The following IL1RAPL2 variants were observed in gnomAD, a reference collection of about 807,000 sequenced individuals.
The protein encoded by IL1RAPL2 is interleukin 1 receptor accessory protein like 2, also known as X-linked interleukin-1 receptor accessory protein-like 2.
In IL1RAPL2, 3 loss-of-function variants were observed where a neutral mutation model predicts 44.1. That is an observed-to-expected ratio of 0.07 (90% CI 0.03 to 0.18). IL1RAPL2 has a LOEUF of 0.18. Among genes scored for constraint, IL1RAPL2 ranks in the 10% least tolerant of loss-of-function variants. The pLI, the probability that IL1RAPL2 is intolerant of heterozygous loss-of-function variation, is 1.00. For synonymous variants in IL1RAPL2, 181 were observed against 178.8 expected (o/e 1.01, Z -0.10); for missense variants, 391 against 496.4 (o/e 0.79, Z 2.02).
chrX:104,608,692 A>G (rs867966518), intron 1 of IL1RAPL2, among the ~76,000 whole-genome samples: 1 of 45,642 alleles, frequency 2.2e-5, no homozygotes, highest in South Asian at 8.0e-4. Flanking sequence ...TTTGCTTTCC[A>G]TTTACTTGGT....
At chrX:105,470,757 A>G (rs1164471361) in intron 5 of IL1RAPL2, among the ~76,000 whole-genome samples, 2 of 111,955 alleles carry the variant, frequency 1.8e-5, no homozygotes, top group African/African-American at 6.5e-5. Context: ...CCAAGGCAGA[A>G]GCTGGCTATG....
intron 2 of IL1RAPL2, among the ~76,000 whole-genome samples, chrX:104,673,149 GT>G (rs1930652955): frequency 9.0e-6 from 1 of 111,704 alleles, no homozygotes; most frequent in African/African-American, 3.3e-5. Context: ...TGCTTTTGGT[GT>G]TTTAGACATG....
At position 105,510,561 on chromosome X, in the gene IL1RAPL2, T is replaced by A. The variant is rs138422806; in HGVS notation, c.772+26174T>A. Among the ~76,000 whole-genome samples the A allele has an allele frequency of 5.6e-3, 632 of 112,031 alleles. 5 individuals are homozygous for A. Among genetic ancestry groups the A allele is most frequent in the African/African-American group, 0.019 (593 of 30,829 alleles). On this transcript the variant is annotated intron_variant, in intron 6 of 10. Coordinates refer to ENST00000372582, the MANE Select transcript of IL1RAPL2 (RefSeq NM_017416.2). ...GTCTAATCCCTGGAACCTGTGAGTA[T>A]ATCACCTTCACGGCAAAGGTGAATT... is the stretch of plus-strand genomic sequence containing the variant.
intron 2 of IL1RAPL2, among the ~76,000 whole-genome samples, chrX:104,734,409 A>G (rs1455563126): frequency 2.7e-5 from 3 of 112,858 alleles, no homozygotes; most frequent in Non-Finnish European, 1.9e-5. Context: ...TTGCATCAAC[A>G]GATGAATGGA....
intron 5 of IL1RAPL2, among the ~76,000 whole-genome samples, chrX:105,281,607 A>G (rs999426235): frequency 9.0e-6 from 1 of 111,708 alleles, no homozygotes; most frequent in Non-Finnish European, 1.9e-5. Flanking sequence ...ATTTAGATAC[A>G]CAAATCCTTA....
chrX:104,983,475 T>TTATATAATATTATATTAGATACATAA (rs2030487902), intron 2 of IL1RAPL2, among the ~76,000 whole-genome samples: 1 of 100,176 alleles, frequency 1.0e-5, no homozygotes, highest in African/African-American at 3.7e-5. Context: ...ATACATAATA[T>TTATATAATATTATATTAGATACATAA]TATATAATAT....
intron 5 of IL1RAPL2, among the ~76,000 whole-genome samples, chrX:105,394,551 CTCT>C (rs2035548862): frequency 9.0e-6 from 1 of 110,957 alleles, no homozygotes; most frequent in Non-Finnish European, 1.9e-5. Flanking sequence ...TTCAGTCTTT[CTCT>C]TCTTCTAACC....
In IL1RAPL2 at chrX:104,723,509, C is replaced by T. The variant is rs192133047; in HGVS notation, c.82+64514C>T. On this transcript the variant is annotated intron_variant, in intron 2 of 10. Coordinates refer to ENST00000372582, the MANE Select transcript of IL1RAPL2 (RefSeq NM_017416.2). ...AATTAGGAATGTGGGTTTTCATGAC[C>T]ATGTAACAAAGGAGGTGAGGTCTCA... 3.6e-5 allele frequency among the ~76,000 whole-genome samples: 4 copies of T among 109,848 alleles called. No homozygotes were observed. The Admixed American group carries it at 3.9e-4, about 11-fold the overall frequency.
chrX:105,465,297 C>G (rs2147768317), intron 5 of IL1RAPL2, among the ~76,000 whole-genome samples: 1 of 111,699 alleles, frequency 9.0e-6, no homozygotes, highest in Non-Finnish European at 1.9e-5. Flanking sequence ...TATGTTTTTC[C>G]TCTTTGAAAT....
At chrX:105,551,002 A>C (rs1305640358) in intron 6 of IL1RAPL2, among the ~76,000 whole-genome samples, 3 of 111,651 alleles carry the variant, frequency 2.7e-5, no homozygotes, top group African/African-American at 9.8e-5. Context: ...ATGATTCAGT[A>C]TACTTTTCAC....
At chrX:105,501,853 CAA>C (rs2036397808) in intron 6 of IL1RAPL2, among the ~76,000 whole-genome samples, 2 of 111,734 alleles carry the variant, frequency 1.8e-5, no homozygotes, top group South Asian at 7.5e-4. Flanking sequence ...CTTATCTAGC[CAA>C]GAGAGAGAAT....
intron 6 of IL1RAPL2, among the ~76,000 whole-genome samples, chrX:105,587,523 CTTAGT>C (rs959361465): frequency 9.9e-5 from 11 of 110,974 alleles, no homozygotes; most frequent in African/African-American, 2.6e-4. Context: ...TCTGCTTTCT[CTTAGT>C]TTATTCTGTT....
At chrX:104,604,055 A>T (rs1254735336) in intron 1 of IL1RAPL2, among the ~76,000 whole-genome samples, 1 of 112,127 alleles carries the variant, frequency 8.9e-6, no homozygotes, top group East Asian at 2.8e-4. Flanking sequence ...GCAGCCAGAG[A>T]GAAAGGTCTG....
At chrX:104,981,809 G>A (rs1180180442) in intron 2 of IL1RAPL2, among the ~76,000 whole-genome samples, 1 of 111,356 alleles carries the variant, frequency 9.0e-6, no homozygotes, top group East Asian at 2.8e-4. Flanking sequence ...TTTATTGAAA[G>A]CCTTTTCTGC....
chrX:104,570,166 T>A (rs1928118167), intron 1 of IL1RAPL2, among the ~76,000 whole-genome samples: 1 of 112,058 alleles, frequency 8.9e-6, no homozygotes, highest in Non-Finnish European at 1.9e-5. Flanking sequence ...ACAGGGTTTT[T>A]TCAAGGCTGG....
chrX:105,761,998 CCTT>C (rs1388408736), intron 10 of IL1RAPL2, among the ~76,000 whole-genome samples: 1 of 111,534 alleles, frequency 9.0e-6, no homozygotes, highest in African/African-American at 3.3e-5. Context: ...TCTCCCATGT[CCTT>C]CTTGCCTACA....
chrX:105,243,549 ATATATATATATATGTGTG>A lies in IL1RAPL2; in HGVS notation c.543+9559_543+9576del, dbSNP rs1297585935. ...GGAGATTTCATATATATATGTGTGTATATATATATATATGTGTGTATATATATATATATATGTGTATAT... is the reference window on the plus strand; with the variant it reads ...GGAGATTTCATATATATATGTGTGTATATATATATATATATATGTGTATAT... On this transcript the variant is annotated intron_variant, in intron 4 of 10. Transcript: ENST00000372582. Among the ~76,000 whole-genome samples, 4 of 75,691 alleles carry A rather than the reference ATATATATATATATGTGTG, an allele frequency of 5.3e-5. No individual in the cohort carries two copies. In the East Asian group the frequency reaches 1.3e-3, roughly 25 times the overall value. 65.7% of individuals were successfully genotyped at this position (75,691 alleles called of 115,157 possible).
At chrX:105,260,967 T>C (rs1326940783) in intron 4 of IL1RAPL2, among the ~76,000 whole-genome samples, 1 of 111,471 alleles carries the variant, frequency 9.0e-6, no homozygotes, top group Non-Finnish European at 1.9e-5. Context: ...TTCCTAGGGG[T>C]ATGTTTGGAG....
At chrX:104,846,832 A>T (rs777681447) in intron 2 of IL1RAPL2, among the ~76,000 whole-genome samples, 1 of 111,623 alleles carries the variant, frequency 9.0e-6, no homozygotes, top group Admixed American at 9.5e-5. Flanking sequence ...AAGTGTTCCT[A>T]TTTCTCCACA....
Sources: gnomAD v4.1 joint callset for allele counts (sites outside exome capture counted in the v4.1 genomes callset) on GRCh38, gnomAD v4.1.1 for gene constraint, MANE v1.5 for transcripts, NCBI Gene and HGNC (gene_info 2026-07-23, HGNC 2026-07-21) for gene names.